The following ESPN variants were observed in gnomAD, a reference collection of about 807,000 sequenced individuals.
ESPN encodes the protein autosomal recessive deafness type 36 protein.
In ESPN, 68 loss-of-function variants were observed where a neutral mutation model predicts 77.7. The observed-to-expected ratio is 0.87, with a 90% CI of 0.72 to 1.07. ESPN has a LOEUF of 1.07. Ranked by LOEUF, ESPN falls within the 50% of genes least tolerant of loss-of-function variation. ESPN has a pLI of 0.00. For missense variants in ESPN, 1,060 were observed against 1,239.0 expected, an observed-to-expected ratio of 0.86 and a Z score of 2.17; for synonymous variants, 449 against 567.1, an observed-to-expected ratio of 0.79 and a Z score of 2.96.
At position 6,432,251 on chromosome 1, in the gene ESPN, G is replaced by C. The variant is rs571212965; in HGVS notation, c.488+3832G>C. ...GCTCAACTCTCCCCCTTAGAAGGCT[G>C]GAGGCTGTGCCTGGGGTGGTCCCTT... On this transcript the variant is annotated intron_variant, in intron 2 of 12. Coordinates refer to ENST00000645284, the MANE Select transcript of ESPN (RefSeq NM_031475.3). Among the ~76,000 whole-genome samples, 630 of 152,332 alleles carry C rather than the reference G, an allele frequency of 4.1e-3. 5 individuals are homozygous for C. The highest frequency in any genetic ancestry group is 0.015 in the African/African-American group (607 of 41,572).
intron 2 of ESPN, among the ~76,000 whole-genome samples, chr1:6,434,261 A>G (rs1213457192): frequency 3.9e-5 from 6 of 152,180 alleles, no homozygotes; most frequent in African/African-American, 1.4e-4. Flanking sequence ...CGTGACAACC[A>G]AAAGCTAACC....
intron 12 of ESPN, among the ~76,000 whole-genome samples, chr1:6,458,007 C>CA (rs1644085218): frequency 2.6e-5 from 3 of 116,544 alleles, no homozygotes; most frequent in African/African-American, 7.2e-5. Flanking sequence ...CCTCATTCTG[C>CA]GAAAAAAAAA....
At chr1:6,441,098 T>C (rs3817908) in intron 5 of ESPN, 33 bp downstream of exon 5, 14 of 1,602,016 alleles carry the variant, frequency 8.7e-6, no homozygotes, top group East Asian at 4.5e-5. Flanking sequence ...GTCGCATTCT[T>C]TCTTCTCGCC....
chr1:6,440,684 A>G lies in ESPN; in HGVS notation c.734A>G (p.His245Arg). 1 of 1,511,976 alleles carries G rather than the reference A, an allele frequency of 6.6e-7. No homozygotes were observed. The highest frequency in any genetic ancestry group is 8.8e-7 in the Non-Finnish European group (1 of 1,135,708). 93.7% of individuals were successfully genotyped at this position (1,511,976 alleles called of 1,614,324 possible). A position where few individuals can be genotyped will look rare whatever the true frequency, so the allele number is the denominator to read the frequency against. Residue 245 changes from histidine (H) to arginine (R), a missense_variant, in exon 4 of 13, where the codon CAC becomes CGC. This residue lies in a region of ESPN where 556 missense variants were observed against 633.6 expected (regional missense o/e 0.88). Transcript: ENST00000645284. ...GACAAAGACGGCGCCACCGCCATGC[A>G]CTTCGCGGCGAGCCGCGGCCACACC... ...EQDKDGATAM[H>R]FAASRGHTKV...
At position 6,441,028 on chromosome 1, in the gene ESPN, G is replaced by A. The variant is rs1464108719; in HGVS notation, c.953G>A (p.Ser318Asn). 6 of 1,611,388 alleles carry A rather than the reference G, an allele frequency of 3.7e-6. No homozygotes were observed. Among genetic ancestry groups the A allele is most frequent in the East Asian group, 2.2e-5 (1 of 44,854 alleles). The change falls in exon 5 of 13, where the codon AGC becomes AAC. Residue 318 changes from serine (S) to asparagine (N), a missense_variant. Physicochemically the swap from Ser to Asn is conservative, Grantham distance 46. Transcript: ENST00000645284. ...AADLSDFNGHSHCTRYLRTVE... is the reference protein window; with the variant it reads ...AADLSDFNGHNHCTRYLRTVE... ...GACCTGTCGGACTTCAACGGCCACAGCCACTGCACCCGCTACCTGCGCACG... is the reference window on the plus strand; with the variant it reads ...GACCTGTCGGACTTCAACGGCCACAACCACTGCACCCGCTACCTGCGCACG...
chr1:6,442,729 A>G (rs1315628788), intron 5 of ESPN, among the ~76,000 whole-genome samples: 1 of 149,938 alleles, frequency 6.7e-6, no homozygotes, highest in Non-Finnish European at 1.5e-5. Flanking sequence ...TTAGCTGGGC[A>G]TGGTGGTGGG....
chr1:6,448,773 G>T lies in ESPN; in HGVS notation c.1597G>T (p.Ala533Ser). Residue 533 changes from alanine (A) to serine (S), a missense_variant, in exon 8 of 13, where the codon GCA becomes TCA. This residue lies in a region of ESPN where 130 missense variants were observed against 223.9 expected (regional missense o/e 0.58). Coordinates refer to ENST00000645284, the MANE Select transcript of ESPN (RefSeq NM_031475.3). The part of the protein sequence containing the change: ...LGRCPGETLA[A>S]RPGMAHSEEV... ...CCGCTGCCCCGGCGAGACGCTGGCC[G>T]CACGCCCGGGCATGGCGCACAGCGA... 1 of 1,440,980 alleles carries T rather than the reference G, an allele frequency of 6.9e-7. No homozygotes were observed. The highest frequency in any genetic ancestry group is 9.1e-7 in the Non-Finnish European group (1 of 1,100,792). 89.3% of individuals were successfully genotyped at this position (1,440,980 alleles called of 1,614,324 possible). A position where few individuals can be genotyped will look rare whatever the true frequency, so the allele number is the denominator to read the frequency against.
Position 6,460,134 on chromosome 1 carries a change from C to T in ESPN, c.2553C>T (p.Ile851=), listed in dbSNP as rs758012315. 1.4e-5 allele frequency: 22 copies of T among 1,612,356 alleles called. No individual in the cohort carries two copies. Among genetic ancestry groups the T allele is most frequent in the Non-Finnish European group, 1.8e-5 (21 of 1,180,006 alleles). ...QRQVILKKGD[I]AKY is the part of the protein sequence containing the mutation. The stretch of plus-strand genomic sequence containing the variant: ...AGGTCATCCTGAAGAAGGGGGACAT[C>T]GCTAAGTACTAGAGGCCGCAGACTC... Residue 851 remains isoleucine (I), a synonymous_variant, in exon 13 of 13, where the codon ATC becomes ATT. Transcript: ENST00000645284.
Position 6,460,063 on chromosome 1 carries a change from CG to C in ESPN, c.2484del (p.Thr829ArgfsTer18). ...RREKEQSEKLRTLGYDESKLA... is the reference protein window; with the variant it reads ...RREKEQSEKLXTLGYDESKLA... The stretch of plus-strand genomic sequence containing the variant: ...GGAGAAGGAACAGTCAGAGAAGCTG[CG>C]GACGCTGGGCTACGATGAGAGCAAG... On this transcript the variant is annotated frameshift_variant, in exon 13 of 13. Coordinates refer to ENST00000645284, the MANE Select transcript of ESPN (RefSeq NM_031475.3). LOFTEE classifies it high-confidence loss of function. The C allele has an allele frequency of 4.3e-6, 7 of 1,613,532 alleles. No homozygotes were observed. Among genetic ancestry groups the C allele is most frequent in the Non-Finnish European group, 5.9e-6 (7 of 1,180,026 alleles).
At chr1:6,452,263 G>T (rs1160842493) in intron 10 of ESPN, among the ~76,000 whole-genome samples, 167 bp downstream of exon 10, 5 of 151,548 alleles carry the variant, frequency 3.3e-5, no homozygotes, top group Non-Finnish European at 7.4e-5. Context: ...GGAGTGCAGT[G>T]GTGCGATCTC....
intron 2 of ESPN, among the ~76,000 whole-genome samples, chr1:6,431,960 G>C (rs1643270820): frequency 6.6e-6 from 1 of 152,224 alleles, no homozygotes; most frequent in Admixed American, 6.5e-5. Flanking sequence ...TGATTCACCA[G>C]CTGTGGTCAC....
chr1:6,458,370 C>T (rs1318876653), intron 12 of ESPN, among the ~76,000 whole-genome samples: 1 of 147,852 alleles, frequency 6.8e-6, no homozygotes, highest in Non-Finnish European at 1.5e-5. Context: ...GGCTGGAGTA[C>T]AGTGGCACAA....
At chr1:6,441,961 C>T (rs1643652815) in intron 5 of ESPN, among the ~76,000 whole-genome samples, 1 of 152,192 alleles carries the variant, frequency 6.6e-6, no homozygotes, top group East Asian at 1.9e-4. Flanking sequence ...TGAACTTCCC[C>T]CCGCGAAAGA....
chr1:6,455,333 C>G (rs1644033302), intron 10 of ESPN: 1 of 385,490 alleles, frequency 2.6e-6, no homozygotes, highest in Non-Finnish European at 4.6e-6. Context: ...GCGGACCAGG[C>G]CGCCGCGCCC....
intron 12 of ESPN, among the ~76,000 whole-genome samples, chr1:6,459,086 C>T (rs1185533535): frequency 4.0e-5 from 6 of 151,656 alleles, no homozygotes; most frequent in Non-Finnish European, 8.8e-5. Context: ...ACTAAAAATA[C>T]AAAAATTAGC....
chr1:6,446,122 G>T, intron 7 of ESPN, among the ~76,000 whole-genome samples, 187 bp downstream of exon 7: 1 of 152,292 alleles, frequency 6.6e-6, no homozygotes, highest in Admixed American at 6.5e-5. Context: ...ACTGGGAGGA[G>T]AGTAAGAGCA....
Position 6,448,482 on chromosome 1 carries a change from C to T in ESPN, c.1465-159C>T, listed in dbSNP as rs1002656908. On this transcript the variant is annotated intron_variant, in intron 7 of 12. Transcript: ENST00000645284. ...CCGAGGCCCCCATGACCCTCGCCCG[C>T]TGCCCACTGTGAGAACCAGGGGGTC... 16 of 591,978 alleles carry T rather than the reference C, an allele frequency of 2.7e-5. No homozygotes were observed. In the African/African-American group the frequency reaches 3.2e-4, roughly 12 times the overall value. The allele number at this position is 591,978 out of a possible 1,614,324, so 36.7% of individuals were successfully genotyped here. A position where few individuals can be genotyped will look rare whatever the true frequency, so the allele number is the denominator to read the frequency against.
chr1:6,440,909 G>A (rs1643613687), intron 4 of ESPN, 25 bp from the exon 5 acceptor site: 2 of 1,550,342 alleles, frequency 1.3e-6, no homozygotes, highest in Admixed American at 1.9e-5. Context: ...GGCCGCGGCC[G>A]GGTCCTCACT....
chr1:6,461,172 T>G, downstream of ESPN: 2 of 700,950 alleles, frequency 2.9e-6, no homozygotes, highest in Non-Finnish European at 5.3e-6. The surrounding 1 kb of genome is among the most constrained non-coding windows in gnomAD (Gnocchi z 6.3). Context: ...TTTTGTTTTC[T>G]TTCACAGATT....
Sources: gnomAD v4.1 joint callset for allele counts (sites outside exome capture counted in the v4.1 genomes callset) on GRCh38, gnomAD v4.1.1 for gene constraint, gnomAD v4.1.1 regional missense constraint, Gnocchi (gnomAD v3.1) non-coding constraint, MANE v1.5 for transcripts, NCBI Gene and HGNC (gene_info 2026-07-23, HGNC 2026-07-21) for gene names.